Variants in RBFOX1 observed in about 807,000 individuals in gnomAD.
The protein encoded by RBFOX1 is RNA binding protein fox-1 homolog 1.
In RBFOX1, 8 loss-of-function variants were observed where a neutral mutation model predicts 57.7. The ratio of observed to expected loss-of-function variants is 0.14; its 90% CI spans 0.08 to 0.25. The LOEUF (loss-of-function observed/expected upper bound fraction) is 0.25, where lower values mean the gene tolerates loss of function less well. Among genes scored for constraint, RBFOX1 ranks in the 10% least tolerant of loss-of-function variants. The pLI is 1.00. For synonymous variants in RBFOX1, 326 were observed against 222.4 expected (o/e 1.47, Z -4.15); for missense variants, 611 against 548.5 (o/e 1.11, Z -1.14).
chr16:7,116,516 C>G (rs1453149236), intron 4 of RBFOX1, among the ~76,000 whole-genome samples: 1 of 152,164 alleles, frequency 6.6e-6, no homozygotes, highest in East Asian at 1.9e-4. Flanking sequence ...TAGTCAAGCT[C>G]TGGATTTGTC....
intron 3 of RBFOX1, among the ~76,000 whole-genome samples, chr16:6,673,760 C>T (rs895635931): frequency 2.0e-5 from 3 of 152,168 alleles, no homozygotes; most frequent in African/African-American, 4.8e-5. Context: ...TATCATCTGT[C>T]ATGGAGATAA....
intron 4 of RBFOX1, among the ~76,000 whole-genome samples, chr16:7,158,763 C>T (rs1422445863): frequency 6.6e-6 from 1 of 151,342 alleles, no homozygotes; most frequent in South Asian, 2.1e-4. Flanking sequence ...GTGTGCATGT[C>T]TGTGAGTAGT....
intron 1 of RBFOX1, among the ~76,000 whole-genome samples, chr16:6,311,164 TGG>T (rs2080244031): frequency 6.6e-6 from 1 of 151,666 alleles, no homozygotes; most frequent in South Asian, 2.1e-4. Context: ...GACGTTGTGG[TGG>T]GCACCTGTAA....
intron 2 of RBFOX1, among the ~76,000 whole-genome samples, chr16:5,556,004 G>C (rs370486928): frequency 6.6e-6 from 1 of 151,738 alleles, no homozygotes; most frequent in Admixed American, 6.5e-5. Context: ...CTGGGCAAGA[G>C]AGTGAGACTC....
At chr16:5,800,791 A>G (rs563702114) in intron 3 of RBFOX1, among the ~76,000 whole-genome samples, 2 of 152,226 alleles carry the variant, frequency 1.3e-5, no homozygotes, top group African/African-American at 4.8e-5. Flanking sequence ...AAGACGTCCT[A>G]GTGCCATTGG....
intron 3 of RBFOX1, among the ~76,000 whole-genome samples, chr16:6,838,957 T>C (rs2093301398): frequency 6.6e-6 from 1 of 151,572 alleles, no homozygotes; most frequent in African/African-American, 2.4e-5. Context: ...TAAGAAAAAA[T>C]AAGGGGAGGA....
chr16:6,386,514 G>C (rs578213389), intron 2 of RBFOX1, among the ~76,000 whole-genome samples: 5 of 152,116 alleles, frequency 3.3e-5, no homozygotes, highest in Non-Finnish European at 7.3e-5. Flanking sequence ...CATGATTCCT[G>C]CACCTTTTCG....
At chr16:5,896,133 T>A (rs2058158396) in intron 4 of RBFOX1, among the ~76,000 whole-genome samples, 1 of 152,138 alleles carries the variant, frequency 6.6e-6, no homozygotes, top group African/African-American at 2.4e-5. Flanking sequence ...GAGGCTGGAA[T>A]CTGATCCTGG....
At chr16:5,275,940 C>T (rs1458578890) in intron 1 of RBFOX1, among the ~76,000 whole-genome samples, 1 of 152,146 alleles carries the variant, frequency 6.6e-6, no homozygotes, top group Non-Finnish European at 1.5e-5. Context: ...AAGGAAAGTA[C>T]ACCCTATTCA....
intron 11 of RBFOX1, among the ~76,000 whole-genome samples, chr16:7,644,330 G>C (rs1216592312): frequency 3.3e-5 from 5 of 152,170 alleles, no homozygotes; most frequent in African/African-American, 4.8e-5. Context: ...GTAAATCCTA[G>C]CTGTTATCAT....
chr16:6,189,455 G>A (rs898114643), intron 1 of RBFOX1, among the ~76,000 whole-genome samples: 1 of 152,062 alleles, frequency 6.6e-6, no homozygotes, highest in Admixed American at 6.5e-5. Context: ...CTGTTGGGTT[G>A]CCGGGGCTAA....
intron 1 of RBFOX1, among the ~76,000 whole-genome samples, chr16:5,371,057 C>G (rs573328871): frequency 8.8e-4 from 134 of 152,322 alleles, no homozygotes; most frequent in African/African-American, 3.2e-3. Context: ...AGGCGATTCT[C>G]CTGCCTTAGC....
At chr16:6,848,808 A>C (rs764420421) in intron 3 of RBFOX1, among the ~76,000 whole-genome samples, 2 of 152,218 alleles carry the variant, frequency 1.3e-5, no homozygotes, top group African/African-American at 4.8e-5. Flanking sequence ...TTTCACACTC[A>C]TGGAGGAGCA....
chr16:6,729,932 G>A (rs546590998), intron 3 of RBFOX1, among the ~76,000 whole-genome samples: 4 of 152,204 alleles, frequency 2.6e-5, no homozygotes, highest in African/African-American at 9.6e-5. Flanking sequence ...GCCCGACTCC[G>A]AGAAGAGATA....
At chr16:6,604,799 G>A (rs942229168) in intron 2 of RBFOX1, among the ~76,000 whole-genome samples, 1 of 151,920 alleles carries the variant, frequency 6.6e-6, no homozygotes, top group Non-Finnish European at 1.5e-5. Flanking sequence ...CCAATTAATT[G>A]GTGCTTGAGA....
intron 2 of RBFOX1, among the ~76,000 whole-genome samples, chr16:5,469,171 T>C (rs1276591967): frequency 6.6e-6 from 1 of 152,152 alleles, no homozygotes; most frequent in East Asian, 1.9e-4. Flanking sequence ...GTGGAGGGGT[T>C]CTCTCAGGTG....
In RBFOX1 at chr16:7,132,430, A is replaced by G. The variant is rs1465164450; in HGVS notation, c.27+80332A>G. ...TGAAAGGTTGAAGAAATTGTGATACACAGACACACACACACACACACACAC... is the reference window on the plus strand; with the variant it reads ...TGAAAGGTTGAAGAAATTGTGATACGCAGACACACACACACACACACACAC... On this transcript the variant is annotated intron_variant, in intron 4 of 15. Transcript: ENST00000550418. Among the ~76,000 whole-genome samples the G allele has an allele frequency of 2.6e-5, 3 of 113,508 alleles. No individual in the cohort carries two copies. The East Asian group carries it at 7.5e-4, about 29-fold the overall frequency. 74.5% of individuals were successfully genotyped at this position (113,508 alleles called of 152,430 possible). A position where few individuals can be genotyped will look rare whatever the true frequency, so the allele number is the denominator to read the frequency against.
chr16:6,977,506 T>A (rs12929875), intron 3 of RBFOX1, among the ~76,000 whole-genome samples: 64,302 of 151,798 alleles, frequency 0.42, 16,692 homozygotes, highest in Non-Finnish European at 0.58. Flanking sequence ...CCAGCCTCAT[T>A]TTCCAGCCCT....
At chr16:5,880,067 A>G (rs1200849155) in intron 4 of RBFOX1, among the ~76,000 whole-genome samples, 3 of 152,292 alleles carry the variant, frequency 2.0e-5, no homozygotes, top group East Asian at 3.9e-4. Flanking sequence ...GATCACAGCA[A>G]GCACCTCTAT....
Sources: gnomAD v4.1 joint callset for allele counts (sites outside exome capture counted in the v4.1 genomes callset) on GRCh38, gnomAD v4.1.1 for gene constraint, MANE v1.5 for transcripts, NCBI Gene and HGNC (gene_info 2026-07-23, HGNC 2026-07-21) for gene names.